The following LDLRAD4 variants were observed in gnomAD, a reference collection of about 807,000 sequenced individuals.
The protein encoded by LDLRAD4 is low-density lipoprotein receptor class A domain-containing protein 4.
In LDLRAD4, 5 loss-of-function variants were observed where a neutral mutation model predicts 17.0. That is an observed-to-expected ratio of 0.29 (90% CI 0.15 to 0.62). LDLRAD4 has a LOEUF of 0.62. Ranked by LOEUF, LDLRAD4 falls within the 20% of genes least tolerant of loss-of-function variation. The probability of loss-of-function intolerance (pLI) is 0.84; values close to 1 mark genes in which losing one functional copy is unlikely to be tolerated. For missense variants in LDLRAD4, 340 were observed against 424.7 expected (o/e 0.80, Z 1.75); for synonymous variants, 168 against 171.8 (o/e 0.98, Z 0.17).
At chr18:13,549,735 A>G (rs1050897902) in intron 3 of LDLRAD4, among the ~76,000 whole-genome samples, 1 of 151,938 alleles carries the variant, frequency 6.6e-6, no homozygotes, top group African/African-American at 2.4e-5. Flanking sequence ...GCAGCACCCT[A>G]TGCAGCTGGG....
chr18:13,409,727 A>G (rs1045284349), intron 2 of LDLRAD4, among the ~76,000 whole-genome samples: 2 of 152,214 alleles, frequency 1.3e-5, no homozygotes, highest in African/African-American at 2.4e-5. Context: ...CAGTTAGTAC[A>G]TGTAGAAGAA....
At chr18:13,452,828 C>T (rs186495228) in intron 3 of LDLRAD4, among the ~76,000 whole-genome samples, 34 of 152,280 alleles carry the variant, frequency 2.2e-4, no homozygotes, top group African/African-American at 7.9e-4. Context: ...CATCGGACCC[C>T]TCCTTAGGAT....
rs4797785 is a variant in LDLRAD4, at chr18:13,554,977, C to T, written c.182-66140C>T. ...GTGCTATAATGTGCCGGAAGTGACACTCTACCCTGTGGCCCTCCTCTCCCA... is the reference window on the plus strand; with the variant it reads ...GTGCTATAATGTGCCGGAAGTGACATTCTACCCTGTGGCCCTCCTCTCCCA... On this transcript the variant is annotated intron_variant, in intron 3 of 5. Coordinates refer to ENST00000359446, the Ensembl canonical transcript of LDLRAD4. 5.7e-3 allele frequency among the ~76,000 whole-genome samples: 868 copies of T among 152,332 alleles called. 27 individuals carry two copies. The highest frequency in any genetic ancestry group is 0.051 in the Admixed American group (777 of 15,302).
intron 1 of LDLRAD4, among the ~76,000 whole-genome samples, chr18:13,363,158 G>A (rs1216108236): frequency 6.6e-6 from 1 of 151,738 alleles, no homozygotes; most frequent in African/African-American, 2.4e-5. Context: ...GTGAAACCCC[G>A]TGTCTGCTAA....
intron 5 of LDLRAD4, 52 bp downstream of exon 6, chr18:13,643,464 G>GGGGGGGGGGGGGGGGGGGGGGCC: frequency 1.4e-5 from 4 of 288,984 alleles, no homozygotes; most frequent in East Asian, 5.7e-5. Flanking sequence ...GGTGGGTGGG[G>GGGGGGGGGGGGGGGGGGGGGGCC]ATGAAGGGGG....
chr18:13,491,288 A>T (rs544328508), intron 3 of LDLRAD4: 1 of 152,132 alleles, frequency 6.6e-6, no homozygotes, highest in Non-Finnish European at 1.5e-5. Context: ...GTGGCTGATC[A>T]CCTCTGGAAC....
intron 3 of LDLRAD4, among the ~76,000 whole-genome samples, chr18:13,527,143 G>C (rs574973326): frequency 6.6e-6 from 1 of 152,190 alleles, no homozygotes; most frequent in Admixed American, 6.5e-5. Flanking sequence ...ATTAAGTTTC[G>C]TGCTTTTACT....
At chr18:13,490,866 C>T (rs2093344271) in intron 3 of LDLRAD4, among the ~76,000 whole-genome samples, 1 of 152,186 alleles carries the variant, frequency 6.6e-6, no homozygotes, top group South Asian at 2.1e-4. Flanking sequence ...ATTGGCATGG[C>T]AGGGAGAGTC....
At chr18:13,389,738 G>A (rs1049061436) in intron 2 of LDLRAD4, among the ~76,000 whole-genome samples, 2 of 151,880 alleles carry the variant, frequency 1.3e-5, no homozygotes, top group African/African-American at 4.8e-5. Context: ...AGACACCCAC[G>A]CCATCCTCAC....
chr18:13,292,314 G>C (rs1282710505), intron 1 of LDLRAD4, among the ~76,000 whole-genome samples: 2 of 152,228 alleles, frequency 1.3e-5, no homozygotes, highest in Non-Finnish European at 2.9e-5. Flanking sequence ...CGTGCCCTGG[G>C]CATATTTGTG....
At chr18:13,354,669 A>G (rs2083236847) in intron 1 of LDLRAD4, among the ~76,000 whole-genome samples, 1 of 152,184 alleles carries the variant, frequency 6.6e-6, no homozygotes, top group Non-Finnish European at 1.5e-5. Context: ...TGTGATTCAG[A>G]CATTATTTAG....
intron 1 of LDLRAD4, among the ~76,000 whole-genome samples, chr18:13,258,956 C>G (rs2043654273): frequency 1.3e-5 from 2 of 152,190 alleles, no homozygotes; most frequent in African/African-American, 4.8e-5. Context: ...TGTACAACTT[C>G]CGACCAGCAT....
chr18:13,473,669 ATATATATAT>A lies in LDLRAD4; in HGVS notation c.181+35286_181+35294del, dbSNP rs1568213944. On this transcript the variant is annotated intron_variant, in intron 3 of 5. Transcript: ENST00000359446. ...TATATATATATATATATATATATATATATATATATAACGTTTACATTTTATATATATTTA... is the reference window on the plus strand; with the variant it reads ...TATATATATATATATATATATATATAAACGTTTACATTTTATATATATTTA... 8.3e-4 allele frequency among the ~76,000 whole-genome samples: 92 copies of A among 110,546 alleles called. 3 individuals carry two copies. The highest frequency in any genetic ancestry group is 5.8e-3 in the South Asian group (17 of 2,956). The allele number at this position is 110,546 out of a possible 152,430, so 72.5% of individuals were successfully genotyped here. A position where few individuals can be genotyped will look rare whatever the true frequency, so the allele number is the denominator to read the frequency against.
chr18:13,652,127 C>T (rs1476006539), exon 6 of LDLRAD4: 1 of 152,218 alleles, frequency 6.6e-6, no homozygotes, highest in African/African-American at 2.4e-5. Context: ...GCTCCCACCC[C>T]CCAGGTTCAA....
intron 1 of LDLRAD4, among the ~76,000 whole-genome samples, chr18:13,374,890 C>T (rs1162563773): frequency 1.3e-5 from 2 of 152,168 alleles, no homozygotes; most frequent in Non-Finnish European, 2.9e-5. Flanking sequence ...GCACCCCAGG[C>T]CCTGGACCTG....
intron 3 of LDLRAD4, among the ~76,000 whole-genome samples, chr18:13,475,214 C>A (rs1420944337): frequency 6.6e-6 from 1 of 152,144 alleles, no homozygotes; most frequent in Non-Finnish European, 1.5e-5. Context: ...ATTCTTTCTC[C>A]CAGTATGAGG....
intron 2 of LDLRAD4, among the ~76,000 whole-genome samples, chr18:13,413,923 A>G (rs923368210): frequency 6.6e-6 from 1 of 152,082 alleles, no homozygotes; most frequent in Non-Finnish European, 1.5e-5. Context: ...ATTTTTTTTT[A>G]AATCACTGGG....
At chr18:13,502,604 G>A (rs559346484) in intron 3 of LDLRAD4, among the ~76,000 whole-genome samples, 15 of 152,306 alleles carry the variant, frequency 9.8e-5, no homozygotes, top group African/African-American at 3.6e-4. Context: ...AGATAAAGGA[G>A]CATCCAGCCG....
intron 3 of LDLRAD4, among the ~76,000 whole-genome samples, chr18:13,604,978 G>C (rs564718110): frequency 3.9e-5 from 6 of 152,146 alleles, no homozygotes; most frequent in Non-Finnish European, 8.8e-5. Flanking sequence ...CTGGCATCTG[G>C]CTCTCTCAAG....
Sources: gnomAD v4.1 joint callset for allele counts (sites outside exome capture counted in the v4.1 genomes callset) on GRCh38, gnomAD v4.1.1 for gene constraint, MANE v1.5 for transcripts, NCBI Gene and HGNC (gene_info 2026-07-23, HGNC 2026-07-21) for gene names.